WWOX: variants seen among roughly 807,000 people sequenced by gnomAD.
WWOX encodes the protein WW domain-containing oxidoreductase.
Under a neutral mutation model 46.2 loss-of-function variants are expected in WWOX, and 69 were observed. That is an observed-to-expected ratio of 1.49 (90% CI 1.23 to 1.82). WWOX has a LOEUF of 1.82. Among genes scored for constraint, WWOX ranks in the 40% most tolerant of loss-of-function variants. WWOX has a pLI of 0.00. For missense variants in WWOX, 919 were observed against 542.6 expected, an observed-to-expected ratio of 1.69 and a Z score of -6.89; for synonymous variants, 359 against 202.6, an observed-to-expected ratio of 1.77 and a Z score of -6.56.
intron 8 of WWOX, among the ~76,000 whole-genome samples, chr16:79,151,109 G>C (rs1054773055): frequency 6.8e-6 from 1 of 147,184 alleles, no homozygotes; most frequent in African/African-American, 2.6e-5. Flanking sequence ...ATACTAAAGA[G>C]GAAACACAAA....
chr16:79,001,740 A>C (rs1597259496), intron 8 of WWOX, among the ~76,000 whole-genome samples: 1 of 151,086 alleles, frequency 6.6e-6, no homozygotes, highest in Non-Finnish European at 1.5e-5. Flanking sequence ...ATGTGGAGGA[A>C]GGGGGCGTTT....
intron 8 of WWOX, among the ~76,000 whole-genome samples, chr16:79,158,309 C>G (rs1002062121): frequency 1.3e-5 from 2 of 152,170 alleles, no homozygotes; most frequent in Admixed American, 6.5e-5. Flanking sequence ...AGAAACAAGA[C>G]TAGCAAATAG....
At chr16:78,979,683 G>T (rs1410893860) in intron 8 of WWOX, among the ~76,000 whole-genome samples, 1 of 152,130 alleles carries the variant, frequency 6.6e-6, no homozygotes, top group African/African-American at 2.4e-5. Context: ...ATCTCTCAGA[G>T]CCTGTGTAGC....
intron 8 of WWOX, among the ~76,000 whole-genome samples, chr16:78,774,861 A>T (rs531095648): frequency 6.6e-6 from 1 of 152,266 alleles, no homozygotes; most frequent in Admixed American, 6.5e-5. Context: ...CCATCCCCTT[A>T]TTGAGCAGAT....
At chr16:78,966,940 C>A (rs753146092) in intron 8 of WWOX, among the ~76,000 whole-genome samples, 2 of 152,138 alleles carry the variant, frequency 1.3e-5, no homozygotes, top group Non-Finnish European at 2.9e-5. Flanking sequence ...GTGTCTGGTA[C>A]ATGGTAAGGG....
At chr16:79,097,107 T>C (rs1004347772) in intron 8 of WWOX, among the ~76,000 whole-genome samples, 6 of 152,116 alleles carry the variant, frequency 3.9e-5, no homozygotes, top group Non-Finnish European at 2.9e-5. Flanking sequence ...CTTGCTTCCA[T>C]CATACCCTGT....
chr16:78,679,273 G>T (rs1371331384), intron 8 of WWOX, among the ~76,000 whole-genome samples: 1 of 152,200 alleles, frequency 6.6e-6, no homozygotes, highest in Admixed American at 6.5e-5. Context: ...TGAGGTGGCT[G>T]GGTGCAGTGG....
chr16:78,332,515 T>C (rs546842596), intron 5 of WWOX, among the ~76,000 whole-genome samples: 5 of 152,286 alleles, frequency 3.3e-5, no homozygotes, highest in African/African-American at 1.2e-4. Context: ...GGGTACATGC[T>C]ATAAGGTGAA....
Position 78,887,645 on chromosome 16 carries a change from G to C in WWOX, c.1057-323963G>C, listed in dbSNP as rs559935377. ...GTGTAAGTACAAAAGGGTCAGATAA[G>C]ATATATGTGGATTCCATAAAATAGT... On this transcript the variant is annotated intron_variant, in intron 8 of 8. Transcript: ENST00000566780. 7.9e-5 allele frequency among the ~76,000 whole-genome samples: 12 copies of C among 152,248 alleles called. No individual in the cohort carries two copies. In the South Asian group the frequency reaches 1.9e-3, roughly 24 times the overall value.
intron 8 of WWOX, among the ~76,000 whole-genome samples, chr16:78,950,199 T>C (rs2046030484): frequency 6.6e-6 from 1 of 152,226 alleles, no homozygotes; most frequent in East Asian, 1.9e-4. Flanking sequence ...GTCTAATCCA[T>C]CCTTTTCCAA....
intron 5 of WWOX, among the ~76,000 whole-genome samples, chr16:78,383,170 T>C (rs1597137726): frequency 1.3e-5 from 2 of 151,854 alleles, no homozygotes; most frequent in East Asian, 1.9e-4. Flanking sequence ...GGGATTACAA[T>C]TTAATATGAG....
intron 8 of WWOX, among the ~76,000 whole-genome samples, chr16:78,862,912 C>A (rs2043921961): frequency 1.3e-5 from 2 of 151,688 alleles, no homozygotes; most frequent in Non-Finnish European, 2.9e-5. Context: ...ATCCTGTGGC[C>A]CAGTCAAGTG....
intron 8 of WWOX, among the ~76,000 whole-genome samples, chr16:78,650,534 G>T (rs950643262): frequency 1.3e-5 from 2 of 152,166 alleles, no homozygotes; most frequent in African/African-American, 4.8e-5. Context: ...CGAGTCGTAT[G>T]AATCCAGGAC....
At chr16:78,219,290 AC>A (rs1401570236) in intron 5 of WWOX, among the ~76,000 whole-genome samples, 2 of 152,220 alleles carry the variant, frequency 1.3e-5, no homozygotes, top group African/African-American at 2.4e-5. Flanking sequence ...ATCTAGATGA[AC>A]ATTGAGTGTT....
intron 8 of WWOX, among the ~76,000 whole-genome samples, chr16:78,996,953 G>C (rs563706707): frequency 1.8e-4 from 28 of 152,366 alleles, no homozygotes; most frequent in African/African-American, 6.5e-4. Context: ...TCCCGCGCCT[G>C]GGAGGGCGAG....
intron 8 of WWOX, among the ~76,000 whole-genome samples, chr16:78,764,490 C>T (rs878986289): frequency 1.4e-5 from 2 of 147,860 alleles, no homozygotes; most frequent in Admixed American, 1.4e-4. Flanking sequence ...TTCATCCAAA[C>T]CAGTTACCTG....
chr16:78,334,809 C>CGT (rs1567508343), intron 5 of WWOX, among the ~76,000 whole-genome samples: 15 of 68,700 alleles, frequency 2.2e-4, no homozygotes, highest in Middle Eastern at 0.011. Flanking sequence ...CACACACACG[C>CGT]ACACACACAC....
At chr16:78,498,660 CA>C (rs1320237035) in intron 8 of WWOX, among the ~76,000 whole-genome samples, 2 of 152,174 alleles carry the variant, frequency 1.3e-5, no homozygotes, top group South Asian at 2.1e-4. Flanking sequence ...TAAAGGAGAG[CA>C]GCGGCATTTA....
At chr16:78,880,078 C>T (rs936509412) in intron 8 of WWOX, among the ~76,000 whole-genome samples, 7 of 152,124 alleles carry the variant, frequency 4.6e-5, no homozygotes, top group South Asian at 2.1e-4. Flanking sequence ...GTTGATGATA[C>T]CGTATGCAAC....
Sources: gnomAD v4.1 joint callset for allele counts (sites outside exome capture counted in the v4.1 genomes callset) on GRCh38, gnomAD v4.1.1 for gene constraint, MANE v1.5 for transcripts, NCBI Gene and HGNC (gene_info 2026-07-23, HGNC 2026-07-21) for gene names.